The following DTX2 variants were observed in gnomAD, a reference collection of about 807,000 sequenced individuals.
DTX2 encodes probable E3 ubiquitin-protein ligase DTX2.
A neutral mutation model predicts 55.3 loss-of-function variants in DTX2; 29 were observed. That is an observed-to-expected ratio of 0.52 (90% CI 0.39 to 0.71). The LOEUF (loss-of-function observed/expected upper bound fraction) is 0.71, where lower values mean the gene tolerates loss of function less well. DTX2 is among the 30% of genes least tolerant of loss of function. The pLI, the probability that DTX2 is intolerant of heterozygous loss-of-function variation, is 0.00. For missense variants in DTX2, 537 were observed against 822.5 expected, an observed-to-expected ratio of 0.65 and a Z score of 4.25; for synonymous variants, 276 against 340.4, an observed-to-expected ratio of 0.81 and a Z score of 2.08.
At chr7:76,482,137 G>T (rs1243628358) in intron 3 of DTX2, among the ~76,000 whole-genome samples, 3 of 151,920 alleles carry the variant, frequency 2.0e-5, no homozygotes, top group Non-Finnish European at 2.9e-5. Flanking sequence ...CATGGAAATT[G>T]CATATCGTGG....
rs529197731 is a variant in DTX2, at chr7:76,471,281, C to T, written c.-90+7572C>T. 7.6e-4 allele frequency among the ~76,000 whole-genome samples: 111 copies of T among 145,258 alleles called. 1 individual carries two copies. The East Asian group carries it at 0.022, about 29-fold the overall frequency. On this transcript the variant is annotated intron_variant, in intron 2 of 10. Transcript: ENST00000430490. ...GGTTCACGCCATTCTCCTGCCTCAGCCTCCCTAGTAGCCGGGACTACAGGC... is the reference window on the plus strand; with the variant it reads ...GGTTCACGCCATTCTCCTGCCTCAGTCTCCCTAGTAGCCGGGACTACAGGC...
intron 2 of DTX2, among the ~76,000 whole-genome samples, chr7:76,475,298 T>TG (rs1228078474): frequency 6.6e-6 from 1 of 151,160 alleles, no homozygotes; most frequent in Non-Finnish European, 1.5e-5. Context: ...GCAACAAGAA[T>TG]GAAACTCTGT....
intron 6 of DTX2, among the ~76,000 whole-genome samples, chr7:76,497,995 C>T (rs1258975377): frequency 2.3e-4 from 35 of 151,074 alleles, no homozygotes; most frequent in African/African-American, 7.3e-4. Context: ...ACAGCAGGTC[C>T]AGGGAGTTAC....
intron 10 of DTX2, among the ~76,000 whole-genome samples, chr7:76,504,815 C>T (rs189574022): frequency 6.8e-4 from 104 of 151,990 alleles, no homozygotes; most frequent in Non-Finnish European, 1.2e-3. Flanking sequence ...AGGTTGGGGA[C>T]GAGCCTTCCA....
Position 76,505,338 on chromosome 7 carries a change from C to T in DTX2, c.1642-36C>T, listed in dbSNP as rs1436770370. ...CACTGAGCCCCTCTCACTCTCCGTC[C>T]CCTCCTTCCTCTTCCCCCTCCTCCT... On this transcript the variant is annotated intron_variant, in intron 10 of 10. Coordinates refer to ENST00000430490, the MANE Select transcript of DTX2 (RefSeq NM_001102594.3). This position sits in a 1 kb window ranked among gnomAD's most constrained non-coding sequence, Gnocchi z 4.4. 2.6e-6 allele frequency: 4 copies of T among 1,524,170 alleles called. No individual in the cohort carries two copies. In the African/African-American group the frequency reaches 4.1e-5, roughly 16 times the overall value. The allele number at this position is 1,524,170 out of a possible 1,614,324, so 94.4% of individuals were successfully genotyped here.
At chr7:76,479,431 A>C (rs1315277788) in intron 2 of DTX2, among the ~76,000 whole-genome samples, 1 of 114,724 alleles carries the variant, frequency 8.7e-6, no homozygotes, top group Non-Finnish European at 1.9e-5. Context: ...GAGGAGCTAG[A>C]ACCTGTGCTG....
chr7:76,488,186 C>T (rs80344060), intron 4 of DTX2, among the ~76,000 whole-genome samples: 16 of 80,102 alleles, frequency 2.0e-4, no homozygotes, highest in Middle Eastern at 0.016. Flanking sequence ...GCAGGGTGAG[C>T]GCCCACTGGA....
Sources: allele counts gnomAD v4.1 joint callset (sites outside exome capture counted in the v4.1 genomes callset), GRCh38; gene constraint gnomAD v4.1.1; non-coding constraint Gnocchi (gnomAD v3.1); transcripts MANE v1.5; gene names NCBI Gene and HGNC (gene_info 2026-07-23, HGNC 2026-07-21).